ATE1: variants seen among roughly 807,000 people sequenced by gnomAD.
ATE1 encodes the protein arginyltransferase 1.
A neutral mutation model predicts 70.5 loss-of-function variants in ATE1; 36 were observed. The ratio of observed to expected loss-of-function variants is 0.51; its 90% CI spans 0.39 to 0.67. ATE1 has a LOEUF of 0.67. Among genes scored for constraint, ATE1 ranks in the 30% least tolerant of loss-of-function variants. ATE1 has a pLI of 0.00. For synonymous variants in ATE1, 232 were observed against 219.3 expected (o/e 1.06, Z -0.51); for missense variants, 593 against 629.5 (o/e 0.94, Z 0.62).
At chr10:121,919,403 T>C (rs957513944) in intron 3 of ATE1, among the ~76,000 whole-genome samples, 1 of 150,358 alleles carries the variant, frequency 6.7e-6, no homozygotes, top group African/African-American at 2.5e-5. Context: ...ACTAAAAATA[T>C]CAAAAAAATT....
intron 10 of ATE1, among the ~76,000 whole-genome samples, chr10:121,829,195 C>A (rs551336910): frequency 1.3e-5 from 2 of 152,052 alleles, no homozygotes; most frequent in African/African-American, 4.8e-5. Flanking sequence ...GAGGCCGAGG[C>A]GGGCAGAGCA....
chr10:121,783,580 T>C (rs1946086196), intron 11 of ATE1, among the ~76,000 whole-genome samples: 1 of 152,096 alleles, frequency 6.6e-6, no homozygotes. Flanking sequence ...AAATTGATGA[T>C]ATCTTATTTT....
At chr10:121,776,975 G>C (rs4752593) in intron 11 of ATE1, among the ~76,000 whole-genome samples, 93,115 of 152,166 alleles carry the variant, frequency 0.61, 28,513 homozygotes, top group South Asian at 0.66. Context: ...TAACTTGGGT[G>C]TTCTGGAATC....
intron 10 of ATE1, among the ~76,000 whole-genome samples, chr10:121,829,820 C>T (rs1175172982): frequency 6.6e-6 from 1 of 152,136 alleles, no homozygotes; most frequent in Non-Finnish European, 1.5e-5. Context: ...TCCATGTATA[C>T]TTTACAATGT....
intron 8 of ATE1, among the ~76,000 whole-genome samples, chr10:121,855,483 G>T (rs943377977): frequency 1.3e-5 from 2 of 152,196 alleles, no homozygotes; most frequent in Non-Finnish European, 2.9e-5. Flanking sequence ...GATCTGAAAC[G>T]ATGAGTTTCT....
intron 7 of ATE1, among the ~76,000 whole-genome samples, chr10:121,886,177 C>T (rs1022464556): frequency 6.6e-6 from 1 of 151,944 alleles, no homozygotes; most frequent in Non-Finnish European, 1.5e-5. Context: ...GGTGGCACTG[C>T]TTTGCTCAAC....
chr10:121,889,243 CTTTT>C (rs1295786780), intron 7 of ATE1, among the ~76,000 whole-genome samples: 1 of 152,000 alleles, frequency 6.6e-6, no homozygotes, highest in Non-Finnish European at 1.5e-5. Flanking sequence ...CAATAAAAAA[CTTTT>C]TTTAAGTACA....
At chr10:121,778,477 T>G (rs1763096678) in intron 11 of ATE1, among the ~76,000 whole-genome samples, 1 of 151,722 alleles carries the variant, frequency 6.6e-6, no homozygotes, top group African/African-American at 2.4e-5. Flanking sequence ...TAGAACCATT[T>G]GGTAAATGAA....
chr10:121,896,685 T>C (rs1250951305), intron 7 of ATE1, among the ~76,000 whole-genome samples: 1 of 151,926 alleles, frequency 6.6e-6, no homozygotes, highest in Non-Finnish European at 1.5e-5. Flanking sequence ...GGCACACACC[T>C]GTAATCCCAG....
intron 10 of ATE1, among the ~76,000 whole-genome samples, chr10:121,821,087 G>A (rs748024833): frequency 4.6e-5 from 7 of 152,096 alleles, no homozygotes; most frequent in Non-Finnish European, 7.4e-5. Flanking sequence ...GACTACAGGC[G>A]CCCACCACCA....
intron 11 of ATE1, among the ~76,000 whole-genome samples, chr10:121,771,143 C>A (rs1945500798): frequency 6.6e-6 from 1 of 152,202 alleles, no homozygotes; most frequent in Non-Finnish European, 1.5e-5. Context: ...GCAATCTCCG[C>A]TCACTGCAAA....
intron 5 of ATE1, among the ~76,000 whole-genome samples, chr10:121,905,701 C>T (rs1009564763): frequency 2.0e-5 from 3 of 151,990 alleles, no homozygotes; most frequent in African/African-American, 7.3e-5. Flanking sequence ...AAAAATCAGC[C>T]GGGAGTGTCG....
chr10:121,883,544 G>A (rs1950289011), intron 7 of ATE1, among the ~76,000 whole-genome samples: 2 of 152,172 alleles, frequency 1.3e-5, no homozygotes, highest in African/African-American at 4.8e-5. Flanking sequence ...AAGAGCAGAA[G>A]AATATTCCTA....
chr10:121,801,602 T>C (rs1050727057), intron 10 of ATE1, among the ~76,000 whole-genome samples: 1 of 152,208 alleles, frequency 6.6e-6, no homozygotes, highest in African/African-American at 2.4e-5. Context: ...CTGTTAAAGA[T>C]TAAATATGCA....
intron 8 of ATE1, among the ~76,000 whole-genome samples, chr10:121,853,840 T>C (rs532034814): frequency 2.6e-5 from 4 of 152,210 alleles, no homozygotes; most frequent in South Asian, 2.1e-4. Flanking sequence ...ACCAACAGAT[T>C]TGGTGTCTGG....
chr10:121,860,836 T>C (rs552387809), intron 8 of ATE1, among the ~76,000 whole-genome samples: 2 of 152,338 alleles, frequency 1.3e-5, no homozygotes, highest in Admixed American at 1.3e-4. Flanking sequence ...GGTCAGTGTT[T>C]ATTAAGCACT....
chr10:121,787,844 T>C (rs546277500), intron 11 of ATE1, among the ~76,000 whole-genome samples: 1 of 152,316 alleles, frequency 6.6e-6, no homozygotes, highest in East Asian at 1.9e-4. Context: ...GTCTATTCAA[T>C]GGATGGAAAT....
At chr10:121,875,692 T>TCTAAAAACA (rs1324886913) in intron 7 of ATE1, among the ~76,000 whole-genome samples, 1 of 152,080 alleles carries the variant, frequency 6.6e-6, no homozygotes, top group African/African-American at 2.4e-5. Flanking sequence ...CCTGAGACAC[T>TCTAAAAACA]CTCTAAAAAA....
chr10:121,927,407 T>C (rs1952139611), intron 1 of ATE1: 3 of 985,000 alleles, frequency 3.0e-6, no homozygotes, highest in Non-Finnish European at 3.6e-6. Context: ...CAGGGAAGTC[T>C]GATTCATACA....
Sources: allele counts gnomAD v4.1 joint callset (sites outside exome capture counted in the v4.1 genomes callset), GRCh38; gene constraint gnomAD v4.1.1; transcripts MANE v1.5; gene names NCBI Gene and HGNC (gene_info 2026-07-23, HGNC 2026-07-21).